The following IMPG1 variants were observed in gnomAD, a reference collection of about 807,000 sequenced individuals.
IMPG1 encodes interphotoreceptor matrix proteoglycan of 150 kDa.
In IMPG1, 85 loss-of-function variants were observed where a neutral mutation model predicts 92.0. The observed-to-expected ratio is 0.92, with a 90% CI of 0.78 to 1.11. The LOEUF is 1.11. IMPG1 is among the 50% of genes least tolerant of loss of function. The probability of loss-of-function intolerance (pLI) is 0.00; values close to 1 mark genes in which losing one functional copy is unlikely to be tolerated. For missense variants in IMPG1, 1,022 were observed against 956.0 expected, an observed-to-expected ratio of 1.07 and a Z score of -0.91; for synonymous variants, 367 against 334.1, an observed-to-expected ratio of 1.10 and a Z score of -1.08.
intron 10 of IMPG1, 82 bp from the exon 11 acceptor site, chr6:76,004,032 A>G: frequency 2.0e-6 from 2 of 1,000,868 alleles, no homozygotes; most frequent in Non-Finnish European, 3.1e-6. Context: ...CCAGGTTGAA[A>G]TATGCGGAAT....
At chr6:75,998,671 A>G (rs1782938009) in intron 12 of IMPG1, among the ~76,000 whole-genome samples, 1 of 152,222 alleles carries the variant, frequency 6.6e-6, no homozygotes, top group African/African-American at 2.4e-5. Context: ...TTCTCTCCTG[A>G]TAGACCAGAT....
At chr6:75,991,727 A>G (rs1782816215) in intron 12 of IMPG1, among the ~76,000 whole-genome samples, 1 of 152,168 alleles carries the variant, frequency 6.6e-6, no homozygotes, top group Non-Finnish European at 1.5e-5. Flanking sequence ...ATTACCATCA[A>G]TGACAAACAC....
intron 14 of IMPG1, among the ~76,000 whole-genome samples, chr6:75,945,343 CTCTTTTTTTTTTT>C (rs957676337): frequency 8.1e-5 from 12 of 147,768 alleles, no homozygotes; most frequent in South Asian, 4.3e-4. Context: ...TTCTTTTCTT[CTCTTTTTTTTTTT>C]TCTTTTTTTT....
At chr6:76,011,030 C>G in intron 8 of IMPG1, 136 bp downstream of exon 8, 1 of 585,580 alleles carries the variant, frequency 1.7e-6, no homozygotes, top group African/African-American at 1.9e-5. Flanking sequence ...TTATCTGAAA[C>G]GTACTCCGTT....
At chr6:75,968,831 T>C (rs190958754) in intron 12 of IMPG1, among the ~76,000 whole-genome samples, 1 of 152,296 alleles carries the variant, frequency 6.6e-6, no homozygotes, top group Admixed American at 6.5e-5. Flanking sequence ...CTCAACCAGA[T>C]GCAGGACCCT....
At chr6:76,012,892 G>C (rs1783212621) in intron 7 of IMPG1, among the ~76,000 whole-genome samples, 1 of 152,020 alleles carries the variant, frequency 6.6e-6, no homozygotes, top group Non-Finnish European at 1.5e-5. Flanking sequence ...CATGAACCCC[G>C]ACTGTCTTCC....
chr6:76,023,642 T>C (rs895275375), intron 5 of IMPG1, among the ~76,000 whole-genome samples: 13 of 152,172 alleles, frequency 8.5e-5, no homozygotes, highest in Non-Finnish European at 1.8e-4. Context: ...CCAGAAGTAC[T>C]GGGGAAATAA....
intron 1 of IMPG1, among the ~76,000 whole-genome samples, chr6:76,043,984 A>G (rs1783889969): frequency 6.6e-6 from 1 of 152,264 alleles, no homozygotes; most frequent in South Asian, 2.1e-4. Context: ...GAGCAAGACC[A>G]GTTGCAAGGC....
rs894024819 is a variant in IMPG1, at chr6:75,982,525, T to TA, written c.1291+20392dup. 2.1e-3 allele frequency among the ~76,000 whole-genome samples: 288 copies of TA among 137,994 alleles called. 2 individuals carry two copies. The highest frequency in any genetic ancestry group is 4.3e-3 in the Admixed American group (58 of 13,522). 90.5% of individuals were successfully genotyped at this position (137,994 alleles called of 152,430 possible). On this transcript the variant is annotated intron_variant, in intron 12 of 16. Transcript: ENST00000369950. ...TGGGTGACAGAGCGAGACTCTATCT[T>TA]AAAAAAAAAATGTGTATATCTATCT...
At chr6:75,958,174 A>C (rs2149460510) in intron 12 of IMPG1, among the ~76,000 whole-genome samples, 1 of 152,296 alleles carries the variant, frequency 6.6e-6, no homozygotes, top group African/African-American at 2.4e-5. Context: ...TGGATATGAA[A>C]TTCTGGGTTG....
chr6:76,034,452 G>A (rs1783700857), intron 3 of IMPG1, 109 bp from the exon 4 acceptor site: 1 of 1,223,954 alleles, frequency 8.2e-7, no homozygotes, highest in Non-Finnish European at 1.2e-6. Flanking sequence ...CAACCTGACT[G>A]TACCATATTA....
At chr6:75,936,946 G>C (rs1781756084) in intron 14 of IMPG1, among the ~76,000 whole-genome samples, 1 of 152,186 alleles carries the variant, frequency 6.6e-6, no homozygotes, top group Admixed American at 6.5e-5. Context: ...GGTGTGGAAT[G>C]AGGGCACAGA....
chr6:76,011,153 T>A lies in IMPG1; in HGVS notation c.866+13A>T. The A allele has an allele frequency of 7.3e-7, 1 of 1,369,512 alleles. No homozygotes were observed. The highest frequency in any genetic ancestry group is 1.0e-6 in the Non-Finnish European group (1 of 964,556). 84.8% of individuals were successfully genotyped at this position (1,369,512 alleles called of 1,614,324 possible). A position where few individuals can be genotyped will look rare whatever the true frequency, so the allele number is the denominator to read the frequency against. On this transcript the variant is annotated intron_variant, in intron 8 of 16. Transcript: ENST00000369950. ...AATTTAAAAATTGAGAAGAGTTTGATTCTCTTACTTACCTAAATCCTAACA... is the reference window on the plus strand; with the variant it reads ...AATTTAAAAATTGAGAAGAGTTTGAATCTCTTACTTACCTAAATCCTAACA...
chr6:75,923,144 A>C (rs1170302037), intron 16 of IMPG1, among the ~76,000 whole-genome samples: 1 of 152,120 alleles, frequency 6.6e-6, no homozygotes, highest in South Asian at 2.1e-4. Context: ...GATTAAGTGA[A>C]TATTTTAAGA....
chr6:75,927,871 C>G (rs190829144), intron 15 of IMPG1, among the ~76,000 whole-genome samples: 94 of 150,458 alleles, frequency 6.2e-4, no homozygotes, highest in African/African-American at 2.2e-3. Flanking sequence ...TTGAATCCCT[C>G]AAGTCCATGT....
chr6:75,996,160 C>T (rs2794288), intron 12 of IMPG1, among the ~76,000 whole-genome samples: 25,068 of 152,132 alleles, frequency 0.16, 2,201 homozygotes, highest in Non-Finnish European at 0.18. Context: ...TAAAGATGTG[C>T]AGAGAATCTA....
intron 12 of IMPG1, among the ~76,000 whole-genome samples, chr6:75,974,887 A>G (rs1782509720): frequency 6.6e-6 from 1 of 152,248 alleles, no homozygotes; most frequent in Non-Finnish European, 1.5e-5. Flanking sequence ...AGTCAAAGAT[A>G]AATTTTAGAG....
chr6:75,976,909 TAA>T (rs35200516), intron 12 of IMPG1, among the ~76,000 whole-genome samples: 151 of 138,530 alleles, frequency 1.1e-3, no homozygotes, highest in Admixed American at 1.4e-3. Flanking sequence ...GATTCCGTCT[TAA>T]AAAAAAAAAA....
Position 76,025,253 on chromosome 6 carries a change from TC to T in IMPG1, c.502del (p.Asp168MetfsTer76). On this transcript the variant is annotated frameshift_variant, in exon 5 of 17. Transcript: ENST00000369950. LOFTEE classifies it high-confidence loss of function. ...IKQRSFPDRK[D>X]EISAEKTLGE... ...CAATGTCTTCTCTGCAGATATTTCA[TC>T]TTTTCTATTAGTACAATAGAAAAGA... 1 of 1,575,364 alleles carries T rather than the reference TC, an allele frequency of 6.3e-7. No individual in the cohort carries two copies. The highest frequency in any genetic ancestry group is 8.7e-7 in the Non-Finnish European group (1 of 1,146,656).
Sources: allele counts gnomAD v4.1 joint callset (sites outside exome capture counted in the v4.1 genomes callset), GRCh38; gene constraint gnomAD v4.1.1; transcripts MANE v1.5; gene names NCBI Gene and HGNC (gene_info 2026-07-23, HGNC 2026-07-21).